The following MID1 variants were observed in gnomAD, a reference collection of about 807,000 sequenced individuals.
MID1 encodes midline 1.
In MID1, 7 loss-of-function variants were observed where a neutral mutation model predicts 40.4. The ratio of observed to expected loss-of-function variants is 0.17; its 90% CI spans 0.10 to 0.33. The LOEUF (loss-of-function observed/expected upper bound fraction) is 0.33. Ranked by LOEUF, MID1 falls within the 10% of genes least tolerant of loss-of-function variation. The pLI, the probability that MID1 is intolerant of heterozygous loss-of-function variation, is 1.00. For synonymous variants in MID1, 229 were observed against 221.2 expected (o/e 1.04, Z -0.31); for missense variants, 367 against 558.5 (o/e 0.66, Z 3.46).
rs768727478 is a variant in MID1, at chrX:10,706,881, T to G, written c.-186-86462A>C. Among the ~76,000 whole-genome samples the G allele has an allele frequency of 3.0e-3, 341 of 111,921 alleles. 2 individuals are homozygous for G. The highest frequency in any genetic ancestry group is 0.011 in the African/African-American group (327 of 30,822). ...AATAGAAATATGTTTTATAGTCAAC[T>G]TATCCAAAACAGGGTGTACCGTGCA... On this transcript the variant is annotated intron_variant, in intron 1 of 10. Transcript: ENST00000380785.
intron 4 of MID1, among the ~76,000 whole-genome samples, chrX:10,490,047 A>G (rs1930854390): frequency 8.9e-6 from 1 of 111,916 alleles, no homozygotes; most frequent in Admixed American, 9.5e-5. Flanking sequence ...TCTAATATGA[A>G]CTTTAGAATC....
rs1602265219 is a variant in MID1, at chrX:10,469,728, G to A, written c.1254C>T (p.Tyr418=). ...CGTTGGCTTGTCCGGTGAATATGGTGTACTGGAGCTCGTAGGAGACCACGC... is the reference window on the plus strand; with the variant it reads ...CGTTGGCTTGTCCGGTGAATATGGTATACTGGAGCTCGTAGGAGACCACGC... The part of the protein sequence containing the change: ...EFSVVSYELQ[Y]TIFTGQANVV... The change falls in exon 7 of 10, where the codon TAC becomes TAT. Residue 418 remains tyrosine, a synonymous_variant. Coordinates refer to ENST00000317552, the MANE Select transcript of MID1 (RefSeq NM_000381.4). 2 of 1,211,067 alleles carry A rather than the reference G, an allele frequency of 1.7e-6. No homozygotes were observed. Among genetic ancestry groups the A allele is most frequent in the Non-Finnish European group, 2.2e-6 (2 of 894,850 alleles).
Position 10,801,910 on chromosome X carries a change from C to T in MID1, c.-187+31644G>A, listed in dbSNP as rs770722016. Among the ~76,000 whole-genome samples, 5 of 111,786 alleles carry T rather than the reference C, an allele frequency of 4.5e-5. No individual in the cohort carries two copies. The East Asian group carries it at 1.1e-3, about 25-fold the overall frequency. On this transcript the variant is annotated intron_variant, in intron 1 of 10. Transcript: ENST00000380785. ...AAGAAACTATCAACCGAGGCCAGCA[C>T]GGTGGCTCATGCTTGTAATCCCAGC...
At chrX:10,543,354 ATAG>A (rs920131356) in intron 2 of MID1, among the ~76,000 whole-genome samples, 1 of 112,159 alleles carries the variant, frequency 8.9e-6, no homozygotes, top group African/African-American at 3.2e-5. Flanking sequence ...AGTAGAAATA[ATAG>A]TAGGAGTCAT....
chrX:10,719,419 C>T (rs1200271937), intron 1 of MID1, among the ~76,000 whole-genome samples: 7 of 110,786 alleles, frequency 6.3e-5, no homozygotes, highest in Non-Finnish European at 1.3e-4. Flanking sequence ...AAACAGAGAG[C>T]CAAATCATGA....
chrX:10,812,986 T>A (rs143610139), intron 1 of MID1, among the ~76,000 whole-genome samples: 3,579 of 111,405 alleles, frequency 0.032, 159 homozygotes, highest in African/African-American at 0.11. Context: ...CGGAGACTAG[T>A]GCTGAGTCTA....
chrX:10,784,129 C>G (rs971359035), intron 1 of MID1, among the ~76,000 whole-genome samples: 1 of 111,545 alleles, frequency 9.0e-6, no homozygotes, highest in Non-Finnish European at 1.9e-5. Flanking sequence ...GTAACCACAC[C>G]AAACCAAACA....
At chrX:10,546,451 T>C (rs891820113) in intron 2 of MID1, among the ~76,000 whole-genome samples, 1 of 112,076 alleles carries the variant, frequency 8.9e-6, no homozygotes, top group African/African-American at 3.2e-5. Context: ...TATATTTTTA[T>C]ATATCTTCTT....
intron 8 of MID1, among the ~76,000 whole-genome samples, chrX:10,455,469 T>C (rs112964611): frequency 0.014 from 1,598 of 111,139 alleles, 21 homozygotes; most frequent in African/African-American, 0.051. Context: ...CCAGAAAACA[T>C]AGGGTGAGCT....
chrX:10,821,628 T>C (rs1331985948), intron 1 of MID1, among the ~76,000 whole-genome samples: 3 of 112,560 alleles, frequency 2.7e-5, no homozygotes, highest in African/African-American at 9.7e-5. Flanking sequence ...GAACAATATA[T>C]TTTTAGCATC....
chrX:10,494,771 C>CAAAAAAAAAAAAAAAAAAAAAAAAGAAAA (rs58092232), intron 4 of MID1, among the ~76,000 whole-genome samples: 1 of 31,982 alleles, frequency 3.1e-5, no homozygotes, highest in Non-Finnish European at 7.1e-5. Flanking sequence ...AAGACTGTCT[C>CAAAAAAAAAAAAAAAAAAAAAAAAGAAAA]AAAAAAAAAA....
chrX:10,611,831 A>C (rs909374543), intron 1 of MID1, among the ~76,000 whole-genome samples: 1 of 111,573 alleles, frequency 9.0e-6, no homozygotes, highest in Non-Finnish European at 1.9e-5. Flanking sequence ...GAAATAAACA[A>C]GAATGTGGAA....
intron 1 of MID1, among the ~76,000 whole-genome samples, chrX:10,630,540 G>C (rs1936041832): frequency 9.1e-6 from 1 of 109,767 alleles, no homozygotes; most frequent in African/African-American, 3.3e-5. Flanking sequence ...GTGTGCGGGG[G>C]GCGGGGGCAG....
intron 1 of MID1, among the ~76,000 whole-genome samples, chrX:10,640,277 T>C (rs1314620740): frequency 3.6e-5 from 4 of 111,554 alleles, no homozygotes; most frequent in African/African-American, 6.5e-5. Context: ...ACCCATCTCA[T>C]GTGCAGAGAC....
At chrX:10,601,293 G>A (rs185471434) in intron 1 of MID1, among the ~76,000 whole-genome samples, 2 of 111,815 alleles carry the variant, frequency 1.8e-5, no homozygotes, top group East Asian at 2.8e-4. Context: ...ACCACAGGCC[G>A]CCTATGTACC....
At chrX:10,652,539 C>T (rs1307439578) in intron 1 of MID1, among the ~76,000 whole-genome samples, 1 of 111,688 alleles carries the variant, frequency 9.0e-6, no homozygotes, top group African/African-American at 3.3e-5. Context: ...GCACTCCTTC[C>T]CAGCCTATTT....
At chrX:10,778,258 C>T (rs2043820407) in intron 1 of MID1, among the ~76,000 whole-genome samples, 1 of 110,682 alleles carries the variant, frequency 9.0e-6, no homozygotes, top group South Asian at 3.9e-4. Context: ...ATTATGGCAG[C>T]CATGAGGTCA....
intron 1 of MID1, among the ~76,000 whole-genome samples, chrX:10,669,007 C>G (rs942517420): frequency 4.6e-5 from 5 of 108,676 alleles, no homozygotes; most frequent in African/African-American, 1.7e-4. Flanking sequence ...ATCATGAGGT[C>G]AGGAGATCGA....
At chrX:10,717,769 A>G (rs2043316798) in intron 1 of MID1, among the ~76,000 whole-genome samples, 1 of 111,376 alleles carries the variant, frequency 9.0e-6, no homozygotes, top group Non-Finnish European at 1.9e-5. Context: ...CACCACACCT[A>G]TTCCAAAATT....
Sources: allele counts gnomAD v4.1 joint callset (sites outside exome capture counted in the v4.1 genomes callset), GRCh38; gene constraint gnomAD v4.1.1; transcripts MANE v1.5; gene names NCBI Gene and HGNC (gene_info 2026-07-23, HGNC 2026-07-21).